Variants in HERC5 observed in about 807,000 individuals in gnomAD.
The protein encoded by HERC5 is HECT and RLD domain containing E3 ubiquitin protein ligase 5, also known as E3 ISG15--protein ligase HERC5.
Under a neutral mutation model 119.6 loss-of-function variants are expected in HERC5, and 99 were observed. The observed-to-expected ratio is 0.83, with a 90% CI of 0.70 to 0.98. The LOEUF (loss-of-function observed/expected upper bound fraction) is 0.98. Among genes scored for constraint, HERC5 ranks in the 50% least tolerant of loss-of-function variants. HERC5 has a pLI of 0.00. For missense variants in HERC5, 1,267 were observed against 1,241.3 expected (o/e 1.02, Z -0.31); for synonymous variants, 478 against 445.9 (o/e 1.07, Z -0.91).
At chr4:88,500,048 A>G (rs994904951) in intron 19 of HERC5, 56 bp downstream of exon 19, 4 of 1,036,984 alleles carry the variant, frequency 3.9e-6, no homozygotes, top group African/African-American at 3.2e-5. Context: ...AACCCTTTAC[A>G]TATTTAACTA....
intron 6 of HERC5, among the ~76,000 whole-genome samples, chr4:88,464,438 A>G (rs1184405333): frequency 6.6e-6 from 1 of 152,150 alleles, no homozygotes; most frequent in Non-Finnish European, 1.5e-5. Flanking sequence ...AGTATAAGAC[A>G]TAGTCAGTGA....
intron 18 of HERC5, 142 bp from the exon 19 acceptor site, chr4:88,499,784 T>A: frequency 1.8e-6 from 1 of 554,400 alleles, no homozygotes. Flanking sequence ...GTTTAGACTA[T>A]CAGTACGCAG....
In HERC5 at chr4:88,487,160, A is replaced by G; in HGVS notation, c.1943A>G (p.Asp648Gly). Residue 648 changes from aspartate to glycine, a missense_variant, in exon 15 of 23, where the codon GAC becomes GGC. Around this residue, in one of 3 missense-constraint regions of HERC5, gnomAD observed 473 missense variants for 445.7 expected, o/e 1.06. Transcript: ENST00000264350. ...TCGAAAATTAAACTACTACATACAGACACACTTTTAAAAATAGAGGTATGT... is the reference window on the plus strand; with the variant it reads ...TCGAAAATTAAACTACTACATACAGGCACACTTTTAAAAATAGAGGTATGT... ...NLSKIKLLHT[D>G]TLLKIESKKH... 8.9e-6 allele frequency: 14 copies of G among 1,569,746 alleles called. No individual in the cohort carries two copies. The highest frequency in any genetic ancestry group is 1.2e-5 in the Non-Finnish European group (14 of 1,140,748).
rs1439223975 is a variant in HERC5 at position 88,496,663 on chromosome 4, A to G, written c.2444+2332A>G. 5.9e-5 allele frequency among the ~76,000 whole-genome samples: 9 copies of G among 152,368 alleles called. No homozygotes were observed. The East Asian group carries it at 1.7e-3, about 29-fold the overall frequency. ...ACCTCCATGTGGATGAAGGATTTAG[A>G]TATTAAATGCAAAAATCATGAAAAT... On this transcript the variant is annotated intron_variant, in intron 18 of 22. Transcript: ENST00000264350.
At chr4:88,462,776 T>A (rs553545841) in intron 4 of HERC5, among the ~76,000 whole-genome samples, 37 of 152,332 alleles carry the variant, frequency 2.4e-4, no homozygotes, top group Admixed American at 1.2e-3. Flanking sequence ...ATACTAAAAT[T>A]ATATTTAAGA....
At chr4:88,486,933 C>G in intron 14 of HERC5, 136 bp from the exon 15 acceptor site, 1 of 567,788 alleles carries the variant, frequency 1.8e-6, no homozygotes, top group East Asian at 3.0e-5. Context: ...ACTACTGGTA[C>G]TATGGACCAG....
In HERC5 at chr4:88,484,160, C is replaced by T. The variant is rs576915571; in HGVS notation, c.1738-1955C>T. On this transcript the variant is annotated intron_variant, in intron 13 of 22. Transcript: ENST00000264350. ...GTAATGTTTTTCATTTCTAGATACT[C>T]GAATTTGTTCTTTAAATTTAGTTTC... is the stretch of plus-strand genomic sequence containing the variant. Among the ~76,000 whole-genome samples the T allele has an allele frequency of 2.6e-5, 4 of 152,150 alleles. No individual in the cohort carries two copies. In the East Asian group the frequency reaches 5.8e-4, roughly 22 times the overall value.
chr4:88,463,196 G>A (rs573305505), intron 4 of HERC5, among the ~76,000 whole-genome samples: 68 of 152,322 alleles, frequency 4.5e-4, no homozygotes, highest in Admixed American at 9.8e-4. Context: ...TTGAAAGAAA[G>A]GAATTGCTAT....
intron 11 of HERC5, chr4:88,473,970 GTTTC>G (rs774036443): frequency 1.3e-5 from 2 of 152,306 alleles, no homozygotes; most frequent in South Asian, 2.1e-4. Flanking sequence ...GACCTGTAAT[GTTTC>G]TTTCTATCTT....
At chr4:88,475,525 G>T (rs1342278222) in intron 11 of HERC5, among the ~76,000 whole-genome samples, 2 of 151,938 alleles carry the variant, frequency 1.3e-5, no homozygotes, top group Non-Finnish European at 2.9e-5. Flanking sequence ...CACCATGTTG[G>T]TCAAGATGGT....
chr4:88,492,677 C>T (rs1283862157), intron 16 of HERC5, among the ~76,000 whole-genome samples: 5 of 151,970 alleles, frequency 3.3e-5, no homozygotes, highest in East Asian at 1.9e-4. Context: ...ACCCAGGAGG[C>T]GGAGGTTGCA....
In HERC5 at chr4:88,499,985, A is replaced by G. The variant is rs1264498491; in HGVS notation, c.2504A>G (p.His835Arg). Residue 835 changes from histidine (H) to arginine (R), a missense_variant, in exon 19 of 23, where the codon CAT becomes CGT. This residue lies in a region of HERC5 where 473 missense variants were observed against 445.7 expected (regional missense o/e 1.06). Transcript: ENST00000264350. Reference sequence around the variant, plus strand: ...AACTTTGAGGAAGTATTTTACATCCATTTTAATGTGAGTAACAATAAAAGC... The same window carrying G: ...AACTTTGAGGAAGTATTTTACATCCGTTTTAATGTGAGTAACAATAAAAGC... ...GDNFEEVFYI[H>R]FNVHWDRNDT... is the part of the protein sequence containing the mutation. The G allele has an allele frequency of 6.3e-7, 1 of 1,592,520 alleles. No homozygotes were observed. The highest frequency in any genetic ancestry group is 1.3e-5 in the African/African-American group (1 of 74,592).
chr4:88,470,573 C>A, intron 9 of HERC5, 41 bp from the exon 10 acceptor site: 3 of 995,596 alleles, frequency 3.0e-6, no homozygotes, highest in Non-Finnish European at 4.8e-6. Flanking sequence ...TGTATGTATA[C>A]CATGTGATTT....
chr4:88,472,114 GC>G (rs1458544835), intron 10 of HERC5, among the ~76,000 whole-genome samples: 3 of 151,868 alleles, frequency 2.0e-5, no homozygotes, highest in Admixed American at 2.0e-4. Flanking sequence ...TCCTGTCTCA[GC>G]CTCCCTCTGT....
intron 3 of HERC5, among the ~76,000 whole-genome samples, chr4:88,460,803 A>G (rs1231531920): frequency 6.6e-6 from 1 of 152,178 alleles, no homozygotes; most frequent in African/African-American, 2.4e-5. Context: ...AGCCTGGACA[A>G]CATGGGGAGA....
At chr4:88,502,465 G>A (rs1578070184) in intron 20 of HERC5, among the ~76,000 whole-genome samples, 2 of 152,272 alleles carry the variant, frequency 1.3e-5, no homozygotes, top group Non-Finnish European at 2.9e-5. Context: ...CGTGGGGCCA[G>A]GGTCAGGGTT....
At chr4:88,485,527 G>A (rs1436311013) in intron 13 of HERC5, among the ~76,000 whole-genome samples, 2 of 152,196 alleles carry the variant, frequency 1.3e-5, no homozygotes, top group Non-Finnish European at 2.9e-5. Context: ...TGAGTTTTTA[G>A]AAGACCACCT....
At chr4:88,474,403 G>A (rs1238479072) in intron 11 of HERC5, among the ~76,000 whole-genome samples, 2 of 152,158 alleles carry the variant, frequency 1.3e-5, no homozygotes, top group Non-Finnish European at 2.9e-5. Flanking sequence ...TCAGACAATA[G>A]GACTGGCTCG....
intron 8 of HERC5, 61 bp from the exon 9 acceptor site, chr4:88,469,096 G>T (rs1047420606): frequency 9.5e-7 from 1 of 1,056,504 alleles, no homozygotes; most frequent in Non-Finnish European, 1.5e-6. Context: ...GTACCTAAAA[G>T]TTGGGTGCCT....
Sources: allele counts gnomAD v4.1 joint callset (sites outside exome capture counted in the v4.1 genomes callset), GRCh38; gene constraint gnomAD v4.1.1; regional missense constraint gnomAD v4.1.1; transcripts MANE v1.5; gene names NCBI Gene and HGNC (gene_info 2026-07-23, HGNC 2026-07-21).